The following ROBO2 variants were observed in gnomAD, a reference collection of about 807,000 sequenced individuals.
ROBO2 encodes roundabout homolog 2.
In ROBO2, 53 loss-of-function variants were observed where a neutral mutation model predicts 160.8. The observed-to-expected ratio is 0.33, with a 90% CI of 0.26 to 0.41. The LOEUF (loss-of-function observed/expected upper bound fraction) is 0.41, where lower values mean the gene tolerates loss of function less well. ROBO2 is among the 10% of genes least tolerant of loss of function. The pLI, the probability that ROBO2 is intolerant of heterozygous loss-of-function variation, is 1.00. For missense variants in ROBO2, 1,577 were observed against 1,722.4 expected (o/e 0.92, Z 1.49); for synonymous variants, 664 against 611.7 (o/e 1.09, Z -1.26).
chr3:75,956,379 G>A (rs1428190862), intron 2 of ROBO2, among the ~76,000 whole-genome samples: 4 of 151,564 alleles, frequency 2.6e-5, no homozygotes, highest in African/African-American at 9.7e-5. Context: ...CCTGCTCTCT[G>A]GATTGTGAGA....
chr3:76,272,718 A>C (rs1172075770), intron 2 of ROBO2, among the ~76,000 whole-genome samples: 2 of 53,708 alleles, frequency 3.7e-5, no homozygotes, highest in Non-Finnish European at 9.3e-5. Flanking sequence ...AATATATATT[A>C]TATACACATA....
At chr3:76,718,018 T>C (rs1340353295) in intron 2 of ROBO2, among the ~76,000 whole-genome samples, 1 of 152,224 alleles carries the variant, frequency 6.6e-6, no homozygotes, top group Non-Finnish European at 1.5e-5. Flanking sequence ...TGCTTGTAAT[T>C]CTGGCATATT....
chr3:76,654,606 C>T (rs1023790942), intron 2 of ROBO2, among the ~76,000 whole-genome samples: 3 of 151,978 alleles, frequency 2.0e-5, no homozygotes, highest in African/African-American at 4.8e-5. Flanking sequence ...AGGCACCATT[C>T]GGCATGCTGG....
At chr3:77,352,098 A>G (rs1285889207) in intron 2 of ROBO2, among the ~76,000 whole-genome samples, 1 of 133,462 alleles carries the variant, frequency 7.5e-6, no homozygotes, top group Non-Finnish European at 1.6e-5. Context: ...AAAGTATAAT[A>G]ATAATAAAAT....
chr3:76,175,592 A>G (rs75596325), intron 2 of ROBO2, among the ~76,000 whole-genome samples: 1 of 151,996 alleles, frequency 6.6e-6, no homozygotes, highest in African/African-American at 2.4e-5. Context: ...TTTCTACACC[A>G]TATGTCTGTA....
chr3:77,625,717 G>A (rs1447060006), intron 23 of ROBO2, among the ~76,000 whole-genome samples: 2 of 151,996 alleles, frequency 1.3e-5, no homozygotes, highest in Non-Finnish European at 2.9e-5. Flanking sequence ...TATTTTGTGT[G>A]GTCTCATTAG....
At chr3:76,503,025 C>CAT (rs1560056033) in intron 2 of ROBO2, among the ~76,000 whole-genome samples, 10 of 114,074 alleles carry the variant, frequency 8.8e-5, no homozygotes, top group South Asian at 2.8e-4. Flanking sequence ...TGTGTGCGCG[C>CAT]GCACGCATGT....
intron 2 of ROBO2, among the ~76,000 whole-genome samples, chr3:76,904,530 T>G (rs2075457714): frequency 1.3e-5 from 2 of 152,186 alleles, no homozygotes; most frequent in African/African-American, 2.4e-5. Context: ...TTATTTCAGA[T>G]GCAGTACCAG....
intron 2 of ROBO2, among the ~76,000 whole-genome samples, chr3:76,628,956 C>T (rs2089848978): frequency 7.0e-6 from 1 of 142,458 alleles, no homozygotes; most frequent in African/African-American, 2.7e-5. Context: ...TGGTACTCAT[C>T]ATTCCAAATA....
intron 2 of ROBO2, among the ~76,000 whole-genome samples, chr3:76,089,510 G>A (rs1478900413): frequency 1.3e-5 from 2 of 152,022 alleles, no homozygotes; most frequent in Non-Finnish European, 1.5e-5. Flanking sequence ...ATCTAGGCAC[G>A]CAAGTCTGGT....
intron 1 of ROBO2, among the ~76,000 whole-genome samples, chr3:77,046,890 T>C (rs2064724849): frequency 6.6e-6 from 1 of 152,218 alleles, no homozygotes; most frequent in Non-Finnish European, 1.5e-5. Context: ...TTCAAGGAAG[T>C]CATGACTTGG....
intron 2 of ROBO2, among the ~76,000 whole-genome samples, chr3:76,069,288 T>G (rs2068364970): frequency 6.6e-6 from 1 of 152,220 alleles, no homozygotes; most frequent in Admixed American, 6.5e-5. Context: ...AATGATAATT[T>G]TATTCTTCGA....
intron 2 of ROBO2, among the ~76,000 whole-genome samples, chr3:76,308,656 T>A (rs541980516): frequency 1.3e-5 from 2 of 152,260 alleles, no homozygotes; most frequent in East Asian, 3.9e-4. Context: ...CCTCACTATT[T>A]CCATATGAGG....
intron 2 of ROBO2, among the ~76,000 whole-genome samples, chr3:76,220,438 G>T (rs1005569477): frequency 1.3e-5 from 2 of 152,090 alleles, no homozygotes; most frequent in African/African-American, 4.8e-5. Context: ...TCCTCACACA[G>T]GGATTAGTGC....
At chr3:76,765,973 G>A (rs2061558575) in intron 2 of ROBO2, among the ~76,000 whole-genome samples, 1 of 151,616 alleles carries the variant, frequency 6.6e-6, no homozygotes, top group Non-Finnish European at 1.5e-5. Flanking sequence ...CATGCTTCTA[G>A]GAAACCTACT....
At chr3:76,869,088 G>A (rs1317451140) in intron 2 of ROBO2, among the ~76,000 whole-genome samples, 1 of 151,912 alleles carries the variant, frequency 6.6e-6, no homozygotes, top group Non-Finnish European at 1.5e-5. Flanking sequence ...AAACCCTAAG[G>A]AATAGACACA....
At chr3:76,652,793 G>C (rs1399012387) in intron 2 of ROBO2, among the ~76,000 whole-genome samples, 2 of 151,882 alleles carry the variant, frequency 1.3e-5, no homozygotes, top group Non-Finnish European at 2.9e-5. Flanking sequence ...AGTTCTGCTA[G>C]AGAGTTCAAT....
intron 2 of ROBO2, among the ~76,000 whole-genome samples, chr3:76,165,179 T>C (rs1232999893): frequency 2.0e-5 from 3 of 152,198 alleles, no homozygotes; most frequent in Non-Finnish European, 2.9e-5. Flanking sequence ...TTGTCTCCAT[T>C]GAAAAGCTGT....
chr3:76,418,324 A>AACCT (rs2075841977), intron 2 of ROBO2, among the ~76,000 whole-genome samples: 1 of 151,102 alleles, frequency 6.6e-6, no homozygotes, highest in Admixed American at 6.6e-5. Flanking sequence ...GCTCACTACA[A>AACCT]CCTCATCCTG....
Sources: allele counts gnomAD v4.1 joint callset (sites outside exome capture counted in the v4.1 genomes callset), GRCh38; gene constraint gnomAD v4.1.1; transcripts MANE v1.5; gene names NCBI Gene and HGNC (gene_info 2026-07-23, HGNC 2026-07-21).